The following CCDC83 variants were observed in gnomAD, a reference collection of about 807,000 sequenced individuals.
CCDC83 encodes the protein coiled-coil domain containing 83.
In CCDC83, 54 loss-of-function variants were observed where a neutral mutation model predicts 50.1. The ratio of observed to expected loss-of-function variants is 1.08; its 90% CI spans 0.87 to 1.35. The LOEUF (loss-of-function observed/expected upper bound fraction) is 1.35. Among genes scored for constraint, CCDC83 ranks in the 40% most tolerant of loss-of-function variants. The pLI, the probability that CCDC83 is intolerant of heterozygous loss-of-function variation, is 0.00. For synonymous variants in CCDC83, 161 were observed against 153.3 expected, an observed-to-expected ratio of 1.05 and a Z score of -0.37; for missense variants, 518 against 473.9, an observed-to-expected ratio of 1.09 and a Z score of -0.86.
At chr11:85,913,233 A>C (rs2093463167) in intron 8 of CCDC83, among the ~76,000 whole-genome samples, 1 of 152,196 alleles carries the variant, frequency 6.6e-6, no homozygotes, top group Admixed American at 6.5e-5. Context: ...TCCTTGCTAT[A>C]TGCTCCCACA....
intron 10 of CCDC83, among the ~76,000 whole-genome samples, chr11:85,917,066 GT>G (rs2093480265): frequency 6.7e-6 from 1 of 150,322 alleles, no homozygotes; most frequent in African/African-American, 2.5e-5. Flanking sequence ...AGCAGAGACT[GT>G]ATCATTGCAC....
chr11:85,909,999 T>TC (rs1366680760), intron 7 of CCDC83, among the ~76,000 whole-genome samples: 6 of 152,200 alleles, frequency 3.9e-5, no homozygotes, highest in African/African-American at 1.4e-4. Flanking sequence ...CCTCTCCTGC[T>TC]TCTCCCCATT....
chr11:85,915,399 T>C lies in CCDC83; in HGVS notation c.795-20T>C, dbSNP rs770637936. 7 of 1,571,122 alleles carry C rather than the reference T, an allele frequency of 4.5e-6. No individual in the cohort carries two copies. The Admixed American group carries it at 5.2e-5, about 12-fold the overall frequency. On this transcript the variant is annotated intron_variant, in intron 8 of 10. Transcript: ENST00000342404. ...AATATTTATTGACTGACAGATTGTT[T>C]TTCTCATTTGTTCTTTTAGGCGACT...
rs34372795 is a variant in CCDC83 at position 85,861,998 on chromosome 11, TAAAA to T, written c.-28-3078_-28-3075del. ...GCGACGGAGCCAGACCCTGTCTCAT[TAAAA>T]AAAAAAAAAAAAAAAAAAAGAGAGT... On this transcript the variant is annotated intron_variant, in intron 1 of 10. Coordinates refer to ENST00000342404, the MANE Select transcript of CCDC83 (RefSeq NM_001286159.2). Among the ~76,000 whole-genome samples the T allele has an allele frequency of 7.4e-4, 70 of 94,814 alleles. 1 individual carries two copies. In the South Asian group the frequency reaches 0.016, roughly 21 times the overall value. 62.2% of individuals were successfully genotyped at this position (94,814 alleles called of 152,430 possible).
intron 1 of CCDC83, among the ~76,000 whole-genome samples, chr11:85,864,506 A>T (rs1283028049): frequency 6.6e-6 from 1 of 152,186 alleles, no homozygotes; most frequent in African/African-American, 2.4e-5. Context: ...AAACCAGTTA[A>T]TAGCTGATGA....
In CCDC83 at chr11:85,873,303, T is replaced by A. The variant is rs759786985; in HGVS notation, c.180+8T>A. The A allele has an allele frequency of 2.2e-5, 28 of 1,267,908 alleles. No individual in the cohort carries two copies. Among genetic ancestry groups the A allele is most frequent in the South Asian group, 2.8e-5 (2 of 72,642 alleles). 78.5% of individuals were successfully genotyped at this position (1,267,908 alleles called of 1,614,324 possible). ...CAAAAATATCATGAAAGAGTGAGTA[T>A]AAAATTTAGAACCTATATATAGTCA... On this transcript the variant is annotated splice_region_variant and intron_variant, in intron 3 of 10. Coordinates refer to ENST00000342404, the MANE Select transcript of CCDC83 (RefSeq NM_001286159.2).
chr11:85,903,197 C>T (rs969101495), intron 7 of CCDC83, among the ~76,000 whole-genome samples: 1 of 152,136 alleles, frequency 6.6e-6, no homozygotes, highest in Non-Finnish European at 1.5e-5. Flanking sequence ...TGCACCACTG[C>T]ACTCCAGCCT....
At chr11:85,878,304 C>G (rs2093279506) in intron 3 of CCDC83, among the ~76,000 whole-genome samples, 1 of 152,092 alleles carries the variant, frequency 6.6e-6, no homozygotes, top group Admixed American at 6.5e-5. Flanking sequence ...CACAAGTATC[C>G]CTCATGTGAC....
At chr11:85,917,157 AGAGAG>A (rs2093481769) in intron 10 of CCDC83, among the ~76,000 whole-genome samples, 3 of 101,830 alleles carry the variant, frequency 2.9e-5, no homozygotes, top group South Asian at 5.7e-4. Flanking sequence ...AGAGAGAGAG[AGAGAG>A]AGAGAGAAAG....
intron 3 of CCDC83, among the ~76,000 whole-genome samples, chr11:85,879,715 G>A (rs1240152581): frequency 6.6e-6 from 1 of 152,054 alleles, no homozygotes; most frequent in Non-Finnish European, 1.5e-5. Flanking sequence ...TACCTCCTGG[G>A]TTCAAACGAT....
intron 7 of CCDC83, among the ~76,000 whole-genome samples, chr11:85,901,850 A>T (rs1397020607): frequency 6.7e-6 from 1 of 149,218 alleles, no homozygotes; most frequent in Non-Finnish European, 1.5e-5. Context: ...GCAACATAGC[A>T]AGATCCCGGC....
At chr11:85,861,818 G>A (rs2093177536) in intron 1 of CCDC83, among the ~76,000 whole-genome samples, 1 of 151,786 alleles carries the variant, frequency 6.6e-6, no homozygotes, top group Non-Finnish European at 1.5e-5. Flanking sequence ...AGACCATCCT[G>A]AGAAACATGG....
At chr11:85,911,438 A>C in intron 8 of CCDC83, 36 bp downstream of exon 8, 1 of 1,501,280 alleles carries the variant, frequency 6.7e-7, no homozygotes, top group Non-Finnish European at 8.9e-7. Context: ...TATTTTGTAA[A>C]CATTTGTATC....
chr11:85,905,155 G>A (rs1477417286), intron 7 of CCDC83, among the ~76,000 whole-genome samples: 1 of 151,888 alleles, frequency 6.6e-6, no homozygotes, highest in Non-Finnish European at 1.5e-5. Flanking sequence ...AAATTAGCCA[G>A]GCGTGGGCCA....
chr11:85,916,267 A>C (rs2135153323), intron 10 of CCDC83, 34 bp downstream of exon 10: 1 of 1,398,110 alleles, frequency 7.2e-7, no homozygotes. Flanking sequence ...TTGACTACTA[A>C]GAAAATGCTG....
chr11:85,865,435 G>C (rs1287156928), intron 2 of CCDC83, among the ~76,000 whole-genome samples: 1 of 152,228 alleles, frequency 6.6e-6, no homozygotes, highest in Non-Finnish European at 1.5e-5. Context: ...TGACTACTTA[G>C]ACTATTTTAT....
At chr11:85,897,976 G>C (rs1238308319) in intron 6 of CCDC83, among the ~76,000 whole-genome samples, 1 of 152,004 alleles carries the variant, frequency 6.6e-6, no homozygotes, top group Non-Finnish European at 1.5e-5. Flanking sequence ...GGCCAACATG[G>C]TGAAACCCCA....
intron 8 of CCDC83, among the ~76,000 whole-genome samples, chr11:85,912,949 G>A (rs2135142740): frequency 6.6e-6 from 1 of 152,262 alleles, no homozygotes; most frequent in Middle Eastern, 3.4e-3. Flanking sequence ...TTGGCCAAAG[G>A]GGACTTGGCA....
chr11:85,886,447 T>C, intron 5 of CCDC83, 80 bp downstream of exon 5: 2 of 1,150,878 alleles, frequency 1.7e-6, no homozygotes, highest in South Asian at 3.7e-5. Context: ...AAAAAGTGCA[T>C]ACTCCCTGAA....
Sources: allele counts gnomAD v4.1 joint callset (sites outside exome capture counted in the v4.1 genomes callset), GRCh38; gene constraint gnomAD v4.1.1; transcripts MANE v1.5; gene names NCBI Gene and HGNC (gene_info 2026-07-23, HGNC 2026-07-21).